NLRP5: variants seen among roughly 807,000 people sequenced by gnomAD.
NLRP5 encodes the protein NACHT, LRR and PYD domains-containing protein 5.
NLRP5 carries 93 observed loss-of-function variants against 113.1 expected under a neutral mutation model. The observed-to-expected ratio is 0.82, with a 90% CI of 0.70 to 0.98. The LOEUF (loss-of-function observed/expected upper bound fraction) is 0.98, where lower values mean the gene tolerates loss of function less well. NLRP5 is among the 50% of genes least tolerant of loss of function. The pLI is 0.00. For missense variants in NLRP5, 1,808 were observed against 1,514.3 expected, an observed-to-expected ratio of 1.19 and a Z score of -3.22; for synonymous variants, 751 against 600.7, an observed-to-expected ratio of 1.25 and a Z score of -3.66.
At chr19:56,050,656 GAT>G in intron 12 of NLRP5, 68 bp downstream of exon 12, 1 of 1,490,658 alleles carries the variant, frequency 6.7e-7, no homozygotes, top group African/African-American at 1.4e-5. Context: ...AAGGTCAAGA[GAT>G]AGGAGCAGGG....
At chr19:55,994,772 T>A (rs1981272223), upstream of NLRP5, among the ~76,000 whole-genome samples, 1 of 152,184 alleles carries the variant, frequency 6.6e-6, no homozygotes, top group African/African-American at 2.4e-5. Context: ...TATTGGTCTA[T>A]TTTTGCTTTT....
intron 9 of NLRP5, among the ~76,000 whole-genome samples, chr19:56,035,228 C>G (rs1366247197): frequency 6.6e-6 from 1 of 152,230 alleles, no homozygotes; most frequent in Non-Finnish European, 1.5e-5. Flanking sequence ...CAGACAAGTA[C>G]AAGCCCTGCT....
chr19:56,008,579 C>T (rs983603020), intron 2 of NLRP5, among the ~76,000 whole-genome samples: 1 of 152,154 alleles, frequency 6.6e-6, no homozygotes, highest in African/African-American at 2.4e-5. Context: ...GAGAATTCTT[C>T]ACAAACCTCT....
intron 12 of NLRP5, 109 bp from the exon 13 acceptor site, chr19:56,053,527 TGG>T (rs1335539997): frequency 1.1e-6 from 1 of 926,342 alleles, no homozygotes; most frequent in Non-Finnish European, 1.6e-6. Context: ...GACAAAACAG[TGG>T]CCCGTCAGGA....
chr19:55,988,774 T>G, the NLRP5 span: 1 of 152,138 alleles, frequency 6.6e-6, no homozygotes, highest in Non-Finnish European at 1.5e-5. Flanking sequence ...TAGAAGTGTT[T>G]AGATATGACA....
chr19:56,027,542 A>G lies in NLRP5; in HGVS notation c.1309A>G (p.Arg437Gly), dbSNP rs772838722. The change falls in exon 7 of 15, where the codon AGA becomes GGA. Residue 437 changes from arginine (R) to glycine (G), a missense_variant. Arg to Gly is a moderately radical substitution (Grantham distance 125). Transcript: ENST00000390649. ...AGTTAGAGGAATCTCCGGGGAACAA[A>G]GAATCCACTTGCTCCTTGAGCGCGG... 8.1e-6 allele frequency: 13 copies of G among 1,614,018 alleles called. No individual in the cohort carries two copies. The South Asian group carries it at 9.9e-5, about 12-fold the overall frequency.
Position 56,043,542 on chromosome 19 carries a change from C to CTTTTTTTTTTTTTTT in NLRP5, c.2957+2477_2957+2491dup, listed in dbSNP as rs369622191. On this transcript the variant is annotated intron_variant, in intron 11 of 14. Coordinates refer to ENST00000390649, the MANE Select transcript of NLRP5 (RefSeq NM_153447.4). Reference sequence around the variant, plus strand: ...TGGATTGTCTGTTTACTCTGCTATTCTTTTTTTTTTTTTTTTTTTTTTTTT... The same window carrying CTTTTTTTTTTTTTTT: ...TGGATTGTCTGTTTACTCTGCTATTCTTTTTTTTTTTTTTTTTTTTTTTTTTTTTTTTTTTTTTTT... 8.6e-5 allele frequency among the ~76,000 whole-genome samples: 8 copies of CTTTTTTTTTTTTTTT among 92,964 alleles called. 1 individual carries two copies. Among genetic ancestry groups the CTTTTTTTTTTTTTTT allele is most frequent in the Admixed American group, 1.1e-4 (1 of 9,206 alleles). The allele number at this position is 92,964 out of a possible 152,430, so 61.0% of individuals were successfully genotyped here. A position where few individuals can be genotyped will look rare whatever the true frequency, so the allele number is the denominator to read the frequency against.
chr19:56,037,094 C>T (rs1414116815), intron 9 of NLRP5, among the ~76,000 whole-genome samples: 2 of 152,154 alleles, frequency 1.3e-5, no homozygotes, highest in African/African-American at 2.4e-5. Context: ...TCCTCATTTC[C>T]AGGGCATAAA....
At chr19:56,030,980 G>A (rs1261463566) in intron 7 of NLRP5, among the ~76,000 whole-genome samples, 4 of 151,874 alleles carry the variant, frequency 2.6e-5, no homozygotes, top group East Asian at 2.0e-4. Flanking sequence ...CCAAAGTGCC[G>A]GGATGACAGG....
intron 14 of NLRP5, among the ~76,000 whole-genome samples, chr19:56,060,098 G>T (rs947792857): frequency 3.3e-5 from 5 of 152,174 alleles, no homozygotes; most frequent in African/African-American, 1.2e-4. Flanking sequence ...AGCTGAAAAG[G>T]TGGAGTGCTG....
chr19:56,056,269 A>C (rs887905318), intron 13 of NLRP5, among the ~76,000 whole-genome samples: 8 of 152,304 alleles, frequency 5.3e-5, no homozygotes, highest in Non-Finnish European at 2.9e-5. Context: ...AACAATAAAG[A>C]AAGCATGGCC....
chr19:56,024,557 ATATG>A, intron 6 of NLRP5, among the ~76,000 whole-genome samples: 1 of 144,014 alleles, frequency 6.9e-6, no homozygotes, highest in South Asian at 2.2e-4. Context: ...ATATGTGTAT[ATATG>A]TATATATACA....
chr19:56,050,410 C>A lies in NLRP5; in HGVS notation c.2958-8C>A. ...CACGATCTTCTTTCCCATGTGTGTGCCCCACAGGCTGAATCAGTGCCACCT... is the reference window on the plus strand; with the variant it reads ...CACGATCTTCTTTCCCATGTGTGTGACCCACAGGCTGAATCAGTGCCACCT... On this transcript the variant is annotated splice_polypyrimidine_tract_variant and splice_region_variant and intron_variant, in intron 11 of 14. Coordinates refer to ENST00000390649, the MANE Select transcript of NLRP5 (RefSeq NM_153447.4). 1 of 1,612,142 alleles carries A rather than the reference C, an allele frequency of 6.2e-7. No individual in the cohort carries two copies. The highest frequency in any genetic ancestry group is 8.5e-7 in the Non-Finnish European group (1 of 1,179,286).
intron 11 of NLRP5, among the ~76,000 whole-genome samples, chr19:56,043,368 C>CT (rs1983590995): frequency 6.6e-6 from 1 of 151,742 alleles, no homozygotes; most frequent in South Asian, 2.1e-4. Flanking sequence ...GATGTTGAGC[C>CT]TTTTTCATAC....
At chr19:55,990,184 G>A in the NLRP5 span, among the ~76,000 whole-genome samples, 2,370 of 143,800 alleles carry the variant, frequency 0.016, 59 homozygotes, top group African/African-American at 0.058. Context: ...TGCCTCCCGG[G>A]TTCAAGCGAT....
intron 3 of NLRP5, among the ~76,000 whole-genome samples, chr19:56,009,181 A>T (rs1385051613): frequency 6.6e-6 from 1 of 151,742 alleles, no homozygotes; most frequent in Non-Finnish European, 1.5e-5. Flanking sequence ...TCTACTAAAA[A>T]TACAAAAAAA....
intron 6 of NLRP5, among the ~76,000 whole-genome samples, chr19:56,022,913 A>T (rs569071794): frequency 6.2e-4 from 95 of 152,138 alleles, no homozygotes; most frequent in African/African-American, 2.2e-3. Flanking sequence ...TAGTAGAGAG[A>T]TGGGGTTTGT....
At chr19:56,015,701 A>C (rs1294840969) in intron 3 of NLRP5, 41 bp from the exon 4 acceptor site, 1 of 1,494,808 alleles carries the variant, frequency 6.7e-7, no homozygotes, top group Non-Finnish European at 9.1e-7. Context: ...AATAATATAC[A>C]CAGTATGTTT....
intron 12 of NLRP5, among the ~76,000 whole-genome samples, chr19:56,051,745 A>AC (rs1407953173): frequency 9.2e-5 from 14 of 152,350 alleles, no homozygotes; most frequent in Admixed American, 9.2e-4. Flanking sequence ...CTAAAGCTGG[A>AC]CACGTACCTT....
Sources: allele counts gnomAD v4.1 joint callset (sites outside exome capture counted in the v4.1 genomes callset), GRCh38; gene constraint gnomAD v4.1.1; transcripts MANE v1.5; gene names NCBI Gene and HGNC (gene_info 2026-07-23, HGNC 2026-07-21).